The following PTPRD variants were observed in gnomAD, a reference collection of about 807,000 sequenced individuals.
PTPRD encodes receptor-type tyrosine-protein phosphatase delta.
In PTPRD, 34 loss-of-function variants were observed where a neutral mutation model predicts 214.5. The observed-to-expected ratio is 0.16, with a 90% CI of 0.12 to 0.21. The LOEUF is 0.21. PTPRD is among the 10% of genes least tolerant of loss of function. PTPRD has a pLI of 1.00. For missense variants in PTPRD, 2,545 were observed against 2,398.7 expected, an observed-to-expected ratio of 1.06 and a Z score of -1.27; for synonymous variants, 1,128 against 845.7, an observed-to-expected ratio of 1.33 and a Z score of -5.79.
intron 3 of PTPRD, among the ~76,000 whole-genome samples, chr9:10,161,822 T>C (rs1592792592): frequency 6.6e-6 from 1 of 151,560 alleles, no homozygotes; most frequent in African/African-American, 2.4e-5. Flanking sequence ...CCAGAATATA[T>C]AAGAAGCTGA....
rs149934049 is a variant in PTPRD at position 10,058,074 on chromosome 9, G to A, written c.-544-24284C>T. On this transcript the variant is annotated intron_variant, in intron 3 of 45. Coordinates refer to ENST00000381196, the MANE Select transcript of PTPRD (RefSeq NM_002839.4). ...TATGTGTGTAGTGCTGAGAAGACAA[G>A]AGTGGAAATGTAATAAATGTTTGAT... Among the ~76,000 whole-genome samples the A allele has an allele frequency of 2.4e-3, 372 of 152,164 alleles. 1 individual carries two copies. Among genetic ancestry groups the A allele is most frequent in the Non-Finnish European group, 3.9e-3 (265 of 67,998 alleles).
chr9:8,449,959 C>T, intron 33 of PTPRD, 122 bp from the exon 34 acceptor site: 1 of 926,134 alleles, frequency 1.1e-6, no homozygotes, highest in Non-Finnish European at 1.6e-6. Flanking sequence ...ACTTTTCAAC[C>T]CAGCTGACTT....
chr9:10,220,354 C>T (rs1308498113), intron 3 of PTPRD, among the ~76,000 whole-genome samples: 2 of 151,780 alleles, frequency 1.3e-5, no homozygotes, highest in African/African-American at 4.8e-5. Flanking sequence ...TGAAATTATG[C>T]CCATTTCATA....
At chr9:10,462,378 T>G (rs567764805) in intron 2 of PTPRD, among the ~76,000 whole-genome samples, 1 of 142,078 alleles carries the variant, frequency 7.0e-6, no homozygotes, top group African/African-American at 2.6e-5. Context: ...TTAAGAAAGG[T>G]AATATGATCT....
chr9:10,156,656 T>C (rs1176040860), intron 3 of PTPRD, among the ~76,000 whole-genome samples: 2 of 151,402 alleles, frequency 1.3e-5, no homozygotes, highest in East Asian at 3.9e-4. Context: ...GATCCATTTG[T>C]TTCAGTGCTG....
At chr9:10,470,080 A>G (rs567336320) in intron 2 of PTPRD, among the ~76,000 whole-genome samples, 3 of 152,254 alleles carry the variant, frequency 2.0e-5, no homozygotes, top group East Asian at 1.9e-4. Context: ...CTTATATTTA[A>G]CAATGATTTA....
intron 5 of PTPRD, among the ~76,000 whole-genome samples, chr9:9,838,285 G>T (rs2057378162): frequency 6.6e-6 from 1 of 152,080 alleles, no homozygotes. Context: ...TATATACCCA[G>T]TAATGGGATG....
intron 8 of PTPRD, among the ~76,000 whole-genome samples, chr9:9,431,679 T>A (rs184877175): frequency 2.6e-5 from 4 of 151,670 alleles, no homozygotes; most frequent in Non-Finnish European, 4.4e-5. Flanking sequence ...GATAGACTGG[T>A]TTAAGAAAAT....
chr9:10,518,682 G>A (rs190894243), intron 2 of PTPRD, among the ~76,000 whole-genome samples: 2,177 of 151,864 alleles, frequency 0.014, 29 homozygotes, highest in Non-Finnish European at 0.021. Context: ...ACAGGCGCCC[G>A]CCACCACACC....
At chr9:8,419,176 A>C (rs2094172208) in intron 35 of PTPRD, among the ~76,000 whole-genome samples, 1 of 151,170 alleles carries the variant, frequency 6.6e-6, no homozygotes, top group South Asian at 2.1e-4. Context: ...AGCTGAGATG[A>C]GATCATCTCA....
intron 3 of PTPRD, among the ~76,000 whole-genome samples, chr9:10,289,188 A>T (rs959879561): frequency 6.6e-6 from 1 of 152,214 alleles, no homozygotes; most frequent in Non-Finnish European, 1.5e-5. Flanking sequence ...AAGTTTGGGT[A>T]GATTTATTCA....
intron 11 of PTPRD, among the ~76,000 whole-genome samples, chr9:8,854,127 G>C (rs2097868242): frequency 6.6e-6 from 1 of 151,910 alleles, no homozygotes; most frequent in Admixed American, 6.6e-5. Flanking sequence ...AAAACGTAAA[G>C]TTTATTTTCG....
chr9:8,809,082 C>G (rs906611092), intron 11 of PTPRD, among the ~76,000 whole-genome samples: 1 of 152,122 alleles, frequency 6.6e-6, no homozygotes, highest in African/African-American at 2.4e-5. Context: ...GGTCACCAAG[C>G]TAGTTGTTAC....
intron 2 of PTPRD, among the ~76,000 whole-genome samples, chr9:10,476,951 T>C (rs961209302): frequency 6.6e-6 from 1 of 152,094 alleles, no homozygotes; most frequent in African/African-American, 2.4e-5. Flanking sequence ...AAACAGAAAT[T>C]GGACCCCTTA....
intron 11 of PTPRD, among the ~76,000 whole-genome samples, chr9:8,773,630 T>A (rs2095333707): frequency 1.3e-5 from 2 of 152,158 alleles, no homozygotes; most frequent in African/African-American, 4.8e-5. Context: ...ATAATGTAAA[T>A]CCCCTGCTTA....
intron 11 of PTPRD, among the ~76,000 whole-genome samples, chr9:8,808,283 C>T (rs2096727829): frequency 6.6e-6 from 1 of 152,138 alleles, no homozygotes; most frequent in African/African-American, 2.4e-5. Flanking sequence ...CACAGTGCTG[C>T]TCCCATTTGC....
chr9:8,628,675 G>C (rs1047829486), intron 14 of PTPRD, among the ~76,000 whole-genome samples: 4 of 151,356 alleles, frequency 2.6e-5, no homozygotes, highest in Non-Finnish European at 5.9e-5. Context: ...TAAGAATCCA[G>C]TTATTTTGTG....
At chr9:10,131,728 G>C (rs1033112820) in intron 3 of PTPRD, among the ~76,000 whole-genome samples, 4 of 152,016 alleles carry the variant, frequency 2.6e-5, no homozygotes, top group Non-Finnish European at 5.9e-5. Context: ...GAATTGTGAA[G>C]GGCACAGTAA....
At chr9:8,372,750 G>A (rs2081939222) in intron 39 of PTPRD, among the ~76,000 whole-genome samples, 1 of 151,920 alleles carries the variant, frequency 6.6e-6, no homozygotes, top group South Asian at 2.1e-4. Context: ...ATTCTTTTTT[G>A]TTGTTGATTG....
Sources: gnomAD v4.1 joint callset for allele counts (sites outside exome capture counted in the v4.1 genomes callset) on GRCh38, gnomAD v4.1.1 for gene constraint, MANE v1.5 for transcripts, NCBI Gene and HGNC (gene_info 2026-07-23, HGNC 2026-07-21) for gene names.